Variants in OTOA observed in about 807,000 individuals in gnomAD.
OTOA encodes cancer/testis antigen 108.
A neutral mutation model predicts 110.8 loss-of-function variants in OTOA; 70 were observed. That is an observed-to-expected ratio of 0.63 (90% CI 0.52 to 0.77). OTOA has a LOEUF of 0.77. OTOA is among the 30% of genes least tolerant of loss of function. The pLI is 0.00. For synonymous variants in OTOA, 373 were observed against 431.5 expected (o/e 0.86, Z 1.68); for missense variants, 917 against 1,075.8 (o/e 0.85, Z 2.06).
At chr16:21,708,512 CT>C (rs1347792324) in intron 12 of OTOA, among the ~76,000 whole-genome samples, 6 of 152,150 alleles carry the variant, frequency 3.9e-5, no homozygotes, top group Non-Finnish European at 8.8e-5. Flanking sequence ...CGGGAGCAGC[CT>C]GGCAATCTGC....
chr16:21,685,213 C>G lies in OTOA; in HGVS notation c.268-17C>G, dbSNP rs1180524201. On this transcript the variant is annotated splice_polypyrimidine_tract_variant and intron_variant, in intron 6 of 28. Transcript: ENST00000646100. The stretch of plus-strand genomic sequence containing the variant: ...CTCTTTCTGTTCTCACCGACTCTCC[C>G]AACACCCCAAATACAGGCAGCCGTG... The G allele has an allele frequency of 1.9e-6, 3 of 1,610,632 alleles. No individual in the cohort carries two copies. Among genetic ancestry groups the G allele is most frequent in the Middle Eastern group, 1.7e-4 (1 of 5,952 alleles).
intron 1 of OTOA, among the ~76,000 whole-genome samples, chr16:21,673,900 C>A (rs1966852610): frequency 6.6e-6 from 1 of 152,158 alleles, no homozygotes; most frequent in Non-Finnish European, 1.5e-5. Context: ...TGGGTTCATG[C>A]CATTCTCCTG....
At position 21,700,878 on chromosome 16, in the gene OTOA, C is replaced by T. The variant is rs371581190; in HGVS notation, c.841-10C>T. 2 of 1,613,976 alleles carry T rather than the reference C, an allele frequency of 1.2e-6. No homozygotes were observed. Among genetic ancestry groups the T allele is most frequent in the Non-Finnish European group, 8.5e-7 (1 of 1,180,008 alleles). On this transcript the variant is annotated splice_polypyrimidine_tract_variant and intron_variant, in intron 10 of 28. Transcript: ENST00000646100. ...CCTCACTGATATTCTCGTCCTTGTCCACCAACTAGATTGGGCTGTTTATCA... is the reference window on the plus strand; with the variant it reads ...CCTCACTGATATTCTCGTCCTTGTCTACCAACTAGATTGGGCTGTTTATCA...
rs71151648 is a variant in OTOA at position 21,695,866 on chromosome 16, G to GATATATATAT, written c.740-1892_740-1883dup. On this transcript the variant is annotated intron_variant, in intron 9 of 28. Coordinates refer to ENST00000646100, the MANE Select transcript of OTOA (RefSeq NM_144672.4). ...ACTTGAAGTCTGATCCTAGACTTGA[G>GATATATATAT]ATATATATATATATATATATATATA... Among the ~76,000 whole-genome samples, 551 of 72,420 alleles carry GATATATATAT rather than the reference G, an allele frequency of 7.6e-3. 32 individuals carry two copies. Among genetic ancestry groups the GATATATATAT allele is most frequent in the South Asian group, 0.011 (18 of 1,634 alleles). The allele number at this position is 72,420 out of a possible 152,430, so 47.5% of individuals were successfully genotyped here.
In OTOA at chr16:21,719,188, T is replaced by G. The variant is rs1255997881; in HGVS notation, c.1685T>G (p.Leu562Trp). 1 of 1,614,126 alleles carries G rather than the reference T, an allele frequency of 6.2e-7. No individual in the cohort carries two copies. Among genetic ancestry groups the G allele is most frequent in the African/African-American group, 1.3e-5 (1 of 75,056 alleles). Residue 562 changes from leucine to tryptophan, a missense_variant, in exon 16 of 29, where the codon TTG becomes TGG. Transcript: ENST00000646100. ...ACCACCAGAAGGCCTGAGGAGCTTT[T>G]GAGGTAGGAAAATGTAACTCGGCCT... ...LKTTRRPEELLSAGQLVKGVT... is the reference protein window; with the variant it reads ...LKTTRRPEELWSAGQLVKGVT...
chr16:21,664,659 T>A (rs1597799389), intron 1 of OTOA, among the ~76,000 whole-genome samples: 1 of 152,158 alleles, frequency 6.6e-6, no homozygotes, highest in East Asian at 1.9e-4. Flanking sequence ...GCCTACCTCA[T>A]AACAGTTGTG....
At chr16:21,675,307 A>ATTTTTTT (rs57498010) in intron 1 of OTOA, among the ~76,000 whole-genome samples, 1 of 37,154 alleles carries the variant, frequency 2.7e-5, no homozygotes, top group African/African-American at 1.1e-4. Flanking sequence ...ACACCTGGCT[A>ATTTTTTT]TTTTTTTTTT....
At chr16:21,666,025 G>A (rs2141642325) in intron 1 of OTOA, among the ~76,000 whole-genome samples, 1 of 152,028 alleles carries the variant, frequency 6.6e-6, no homozygotes, top group South Asian at 2.1e-4. Flanking sequence ...GTCTCCCTAT[G>A]TTGCCCAGGC....
chr16:21,716,850 C>T, intron 14 of OTOA, 57 bp from the exon 15 acceptor site: 2 of 1,607,910 alleles, frequency 1.2e-6, no homozygotes, highest in Non-Finnish European at 1.7e-6. Flanking sequence ...CCTGGCCCTT[C>T]CTCAAAGCTC....
At chr16:21,699,831 A>G (rs1407376654) in intron 10 of OTOA, among the ~76,000 whole-genome samples, 19 of 152,182 alleles carry the variant, frequency 1.2e-4, no homozygotes, top group Admixed American at 1.2e-3. Context: ...AGGCAGGAGT[A>G]TCACTTGAAC....
chr16:21,672,702 A>C (rs564524349), intron 1 of OTOA, among the ~76,000 whole-genome samples: 1 of 152,108 alleles, frequency 6.6e-6, no homozygotes, highest in East Asian at 1.9e-4. Flanking sequence ...TGTATAATGT[A>C]TGGTGATCAG....
chr16:21,666,853 C>A (rs1041673782), intron 1 of OTOA, among the ~76,000 whole-genome samples: 4 of 152,148 alleles, frequency 2.6e-5, no homozygotes, highest in Non-Finnish European at 5.9e-5. Flanking sequence ...TCCTGATGGG[C>A]TGCAGTTTCT....
intron 1 of OTOA, among the ~76,000 whole-genome samples, chr16:21,665,042 A>G (rs969446671): frequency 2.6e-5 from 4 of 152,082 alleles, no homozygotes; most frequent in Middle Eastern, 3.4e-3. Context: ...GTTTTTTGCC[A>G]GGGAGGTATG....
intron 21 of OTOA, among the ~76,000 whole-genome samples, chr16:21,733,966 A>G (rs1470541931): frequency 6.6e-6 from 1 of 151,986 alleles, no homozygotes; most frequent in African/African-American, 2.4e-5. Flanking sequence ...TGCCGAGTGA[A>G]TTTTTGTATT....
intron 13 of OTOA, among the ~76,000 whole-genome samples, chr16:21,711,960 A>G (rs1272676541): frequency 6.6e-6 from 1 of 152,232 alleles, no homozygotes; most frequent in East Asian, 1.9e-4. Context: ...AGCACCCATT[A>G]TAATTGCTAA....
chr16:21,750,120 T>A (rs1240217785), intron 24 of OTOA, among the ~76,000 whole-genome samples: 4 of 152,298 alleles, frequency 2.6e-5, no homozygotes, highest in Non-Finnish European at 2.9e-5. Flanking sequence ...CTTGAACAAA[T>A]AAAGGGGCTG....
In OTOA at chr16:21,730,756, A is replaced by C; in HGVS notation, c.2208-81A>C. The C allele has an allele frequency of 8.3e-6, 8 of 959,334 alleles. No homozygotes were observed. In the South Asian group the frequency reaches 9.6e-5, roughly 12 times the overall value. 59.4% of individuals were successfully genotyped at this position (959,334 alleles called of 1,614,324 possible). On this transcript the variant is annotated intron_variant, in intron 20 of 28. Transcript: ENST00000646100. ...GAGTATAAGACAATCTATTCCTGAAAGAAAAGGGTGCTGGGGGAAAAGGCA... is the reference window on the plus strand; with the variant it reads ...GAGTATAAGACAATCTATTCCTGAACGAAAAGGGTGCTGGGGGAAAAGGCA...
At chr16:21,749,356 G>T (rs1371635150) in intron 24 of OTOA, among the ~76,000 whole-genome samples, 3 of 136,018 alleles carry the variant, frequency 2.2e-5, no homozygotes, top group African/African-American at 7.6e-5. Flanking sequence ...GTGAAACCCT[G>T]TCTCTACTAA....
intron 11 of OTOA, chr16:21,704,890 C>A (rs1211858563): frequency 1.3e-6 from 1 of 777,318 alleles, no homozygotes; most frequent in Non-Finnish European, 2.4e-6. Context: ...TGGATCATGC[C>A]ATGAGGTGAT....
Sources: allele counts gnomAD v4.1 joint callset (sites outside exome capture counted in the v4.1 genomes callset), GRCh38; gene constraint gnomAD v4.1.1; transcripts MANE v1.5; gene names NCBI Gene and HGNC (gene_info 2026-07-23, HGNC 2026-07-21).